Variants in SARDH observed in about 807,000 individuals in gnomAD.
The protein encoded by SARDH is sarcosine dehydrogenase, mitochondrial.
SARDH carries 95 observed loss-of-function variants against 109.1 expected under a neutral mutation model. The ratio of observed to expected loss-of-function variants is 0.87; its 90% CI spans 0.74 to 1.03. SARDH has a LOEUF of 1.03. Among genes scored for constraint, SARDH ranks in the 50% least tolerant of loss-of-function variants. The probability of loss-of-function intolerance (pLI) is 0.00; values close to 1 mark genes in which losing one functional copy is unlikely to be tolerated. For missense variants in SARDH, 1,267 were observed against 1,287.8 expected (o/e 0.98, Z 0.25); for synonymous variants, 572 against 534.8 (o/e 1.07, Z -0.96).
chr9:133,684,180 A>G (rs1830802750), intron 17 of SARDH, among the ~76,000 whole-genome samples: 2 of 152,330 alleles, frequency 1.3e-5, no homozygotes, highest in South Asian at 4.1e-4. Flanking sequence ...ACCCTTGGCC[A>G]TGTCTGAACA....
chr9:133,701,945 G>A (rs1268000957), intron 13 of SARDH, among the ~76,000 whole-genome samples: 2 of 152,200 alleles, frequency 1.3e-5, no homozygotes, highest in East Asian at 1.9e-4. Flanking sequence ...ACCCAAGCGG[G>A]GCCCTTCAAG....
intron 17 of SARDH, among the ~76,000 whole-genome samples, chr9:133,676,047 C>T (rs1830499163): frequency 6.6e-6 from 1 of 151,690 alleles, no homozygotes; most frequent in Non-Finnish European, 1.5e-5. Flanking sequence ...GCTGAGATCG[C>T]ACCGCTGCAC....
Position 133,729,777 on chromosome 9 carries a change from G to A in SARDH, c.903C>T (p.Ile301=), listed in dbSNP as rs200130370. 33 of 1,612,756 alleles carry A rather than the reference G, an allele frequency of 2.0e-5. No individual in the cohort carries two copies. Among genetic ancestry groups the A allele is most frequent in the Non-Finnish European group, 2.3e-5 (27 of 1,179,888 alleles). ...MHHAYVVTER[I]EGIQNMPNVR... is the part of the protein sequence containing the mutation. ...GCTGTCCACCTACCTGAATCCCCTC[G>A]ATGCGCTCGGTGACGACATAGGCAT... The change falls in exon 6 of 21, where the codon ATC becomes ATT. Residue 301 remains isoleucine (I), a synonymous_variant. Transcript: ENST00000439388.
chr9:133,696,248 G>A lies in SARDH; in HGVS notation c.1782C>T (p.Phe594=). The stretch of plus-strand genomic sequence containing the variant: ...CTGGGGGTCGGCTGACATCTGCGGA[G>A]AAGAGCCAGTCGGCAGCCTTCCTTG... ...LDARKAADWL[F]SADVSRPPGS... The change falls in exon 14 of 21, where the codon TTC becomes TTT. Residue 594 remains phenylalanine (F), a synonymous_variant. Transcript: ENST00000439388. The A allele has an allele frequency of 6.2e-7, 1 of 1,614,122 alleles. No homozygotes were observed. The highest frequency in any genetic ancestry group is 1.7e-5 in the Admixed American group (1 of 60,032).
chr9:133,720,626 T>A (rs781523024), intron 6 of SARDH, among the ~76,000 whole-genome samples: 75 of 151,042 alleles, frequency 5.0e-4, no homozygotes, highest in Admixed American at 6.7e-4. Context: ...AGCAAAGGCA[T>A]GTCTTACATG....
intron 10 of SARDH, among the ~76,000 whole-genome samples, chr9:133,711,043 A>G (rs189346411): frequency 2.6e-4 from 39 of 152,196 alleles, no homozygotes; most frequent in Non-Finnish European, 4.1e-4. Context: ...CCCATGGCAC[A>G]CTCCCGCCAA....
chr9:133,727,374 G>T (rs1832528713), intron 6 of SARDH, among the ~76,000 whole-genome samples: 1 of 152,198 alleles, frequency 6.6e-6, no homozygotes, highest in South Asian at 2.1e-4. Flanking sequence ...GTCTGATCAG[G>T]GTAGACAGCG....
intron 6 of SARDH, among the ~76,000 whole-genome samples, chr9:133,723,346 A>G (rs181169376): frequency 3.3e-5 from 5 of 152,368 alleles, no homozygotes; most frequent in Admixed American, 6.5e-5. Context: ...AAAAGGAAAA[A>G]CAAAGTTGGA....
At chr9:133,731,539 A>C in intron 3 of SARDH, 55 bp from the exon 4 acceptor site, 1 of 1,557,292 alleles carries the variant, frequency 6.4e-7, no homozygotes, top group Non-Finnish European at 8.8e-7. Context: ...CCCCTGGGCC[A>C]CTCCCCTCCC....
chr9:133,696,581 C>A (rs1444063580), intron 13 of SARDH, among the ~76,000 whole-genome samples: 2 of 152,094 alleles, frequency 1.3e-5, no homozygotes, highest in Non-Finnish European at 2.9e-5. Flanking sequence ...TGCTAAGCCA[C>A]AAAATAAGGC....
chr9:133,678,761 C>T (rs568892641), intron 17 of SARDH, among the ~76,000 whole-genome samples: 2 of 152,224 alleles, frequency 1.3e-5, no homozygotes, highest in African/African-American at 2.4e-5. Flanking sequence ...GCATAGGAAC[C>T]GTCTTCCCTG....
At chr9:133,720,519 C>A (rs2027962) in intron 6 of SARDH, among the ~76,000 whole-genome samples, 46,217 of 152,168 alleles carry the variant, frequency 0.3, 7,539 homozygotes, top group Non-Finnish European at 0.37. Flanking sequence ...TAAAGACATA[C>A]CCAAGACTGG....
chr9:133,697,293 GA>G (rs1452599251), intron 13 of SARDH, among the ~76,000 whole-genome samples: 1 of 152,204 alleles, frequency 6.6e-6, no homozygotes, highest in East Asian at 1.9e-4. Context: ...ATTCGTAATT[GA>G]AAAATTGTCC....
Position 133,718,584 on chromosome 9 carries a change from C to A in SARDH, c.1020+354G>T. The A allele has an allele frequency of 1.3e-6, 1 of 755,846 alleles. No homozygotes were observed. Among genetic ancestry groups the A allele is most frequent in the Admixed American group, 1.7e-5 (1 of 58,540 alleles). 46.8% of individuals were successfully genotyped at this position (755,846 alleles called of 1,614,324 possible). A position where few individuals can be genotyped will look rare whatever the true frequency, so the allele number is the denominator to read the frequency against. ...GAAGCTGCCCGGGAAACAGCCCAGG[C>A]CAGGGGAAATGCCGCTGCAGCAGCT... On this transcript the variant is annotated intron_variant, in intron 7 of 20. Coordinates refer to ENST00000439388, the MANE Select transcript of SARDH (RefSeq NM_001134707.2). The surrounding 1 kb of genome is among the most constrained non-coding windows in gnomAD (Gnocchi z 4.2).
chr9:133,717,589 A>C, intron 7 of SARDH, 134 bp from the exon 8 acceptor site: 3 of 1,316,890 alleles, frequency 2.3e-6, no homozygotes, highest in Non-Finnish European at 3.1e-6. Context: ...GTGGTCACCC[A>C]CACGTCCCAG....
rs559721932 is a variant in SARDH, at chr9:133,718,046, A to G, written c.1021-591T>C. Among the ~76,000 whole-genome samples the G allele has an allele frequency of 6.6e-6, 1 of 152,286 alleles. No homozygotes were observed. Among genetic ancestry groups the G allele is most frequent in the African/African-American group, 2.4e-5 (1 of 41,566 alleles). ...TGCTAATTTTATTCAGTGCGCGATCATCTTCCAGAATTTCATTCCTTGTTC... is the reference window on the plus strand; with the variant it reads ...TGCTAATTTTATTCAGTGCGCGATCGTCTTCCAGAATTTCATTCCTTGTTC... On this transcript the variant is annotated intron_variant, in intron 7 of 20. Transcript: ENST00000439388. This position sits in a 1 kb window ranked among gnomAD's most constrained non-coding sequence, Gnocchi z 4.2.
intron 1 of SARDH, 34 bp from the exon 2 acceptor site, chr9:133,734,237 A>AG: frequency 7.1e-7 from 1 of 1,409,836 alleles, no homozygotes; most frequent in South Asian, 1.4e-5. Context: ...TGGGGTGCAG[A>AG]GGGGACACGC....
intron 17 of SARDH, 116 bp from the exon 18 acceptor site, chr9:133,671,813 G>A: frequency 1.6e-6 from 2 of 1,282,172 alleles, no homozygotes; most frequent in Non-Finnish European, 2.1e-6. Flanking sequence ...GCTGGCCCTG[G>A]GTCCCAGCCA....
At chr9:133,685,897 T>C (rs1220672678) in intron 16 of SARDH, among the ~76,000 whole-genome samples, 2 of 152,028 alleles carry the variant, frequency 1.3e-5, no homozygotes, top group African/African-American at 4.8e-5. Flanking sequence ...GACCTAACCC[T>C]CCAACTGGGC....
Sources: allele counts gnomAD v4.1 joint callset (sites outside exome capture counted in the v4.1 genomes callset), GRCh38; gene constraint gnomAD v4.1.1; non-coding constraint Gnocchi (gnomAD v3.1); transcripts MANE v1.5; gene names NCBI Gene and HGNC (gene_info 2026-07-23, HGNC 2026-07-21).